The following JAZF1 variants were observed in gnomAD, a reference collection of about 807,000 sequenced individuals.
The protein encoded by JAZF1 is JAZF zinc finger 1.
In JAZF1, 8 loss-of-function variants were observed where a neutral mutation model predicts 26.4. That is an observed-to-expected ratio of 0.30 (90% CI 0.18 to 0.55). The LOEUF is 0.55. JAZF1 is among the 20% of genes least tolerant of loss of function. The pLI, the probability that JAZF1 is intolerant of heterozygous loss-of-function variation, is 0.94. For missense variants in JAZF1, 199 were observed against 322.0 expected (o/e 0.62, Z 2.92); for synonymous variants, 126 against 122.3 (o/e 1.03, Z -0.20).
intron 2 of JAZF1, among the ~76,000 whole-genome samples, chr7:27,956,571 C>T (rs1261680211): frequency 6.6e-6 from 1 of 152,172 alleles, no homozygotes; most frequent in Non-Finnish European, 1.5e-5. Flanking sequence ...CTAACCAGGC[C>T]TCTCAACACT....
At chr7:27,947,063 T>C (rs761014118) in intron 2 of JAZF1, among the ~76,000 whole-genome samples, 6 of 152,274 alleles carry the variant, frequency 3.9e-5, no homozygotes, top group Non-Finnish European at 8.8e-5. Flanking sequence ...GATCATTTTA[T>C]AGTGGAATCA....
chr7:28,009,697 C>T (rs1292430755), intron 1 of JAZF1, among the ~76,000 whole-genome samples: 1 of 152,060 alleles, frequency 6.6e-6, no homozygotes, highest in Non-Finnish European at 1.5e-5. Context: ...GTTAGCCAGG[C>T]TGGTCTCGAT....
intron 1 of JAZF1, among the ~76,000 whole-genome samples, chr7:28,045,056 A>G (rs1455269993): frequency 6.6e-6 from 1 of 151,878 alleles, no homozygotes; most frequent in Non-Finnish European, 1.5e-5. Flanking sequence ...CCTAAGGGGC[A>G]GGCAGGAAGG....
At chr7:27,992,728 T>C (rs1785928532) in intron 1 of JAZF1, among the ~76,000 whole-genome samples, 1 of 152,238 alleles carries the variant, frequency 6.6e-6, no homozygotes, top group African/African-American at 2.4e-5. Context: ...ACAATGTTTA[T>C]GTAATAAGGA....
chr7:27,999,667 A>C (rs891626823), intron 1 of JAZF1, among the ~76,000 whole-genome samples: 5 of 152,208 alleles, frequency 3.3e-5, no homozygotes, highest in African/African-American at 1.2e-4. Flanking sequence ...AAGCTCCTTA[A>C]GGAACCAGAT....
intron 3 of JAZF1, among the ~76,000 whole-genome samples, chr7:27,877,544 C>T (rs747782231): frequency 1.3e-5 from 2 of 152,134 alleles, no homozygotes; most frequent in Non-Finnish European, 2.9e-5. Flanking sequence ...AAATAACTTT[C>T]ACCTACCCTA....
intron 2 of JAZF1, among the ~76,000 whole-genome samples, chr7:27,908,246 T>C (rs888428007): frequency 1.3e-5 from 2 of 152,220 alleles, no homozygotes; most frequent in Non-Finnish European, 1.5e-5. Flanking sequence ...ATACACAGAA[T>C]AGCAGTCAGC....
chr7:27,834,672 C>A (rs966084605), intron 4 of JAZF1, among the ~76,000 whole-genome samples: 3 of 152,204 alleles, frequency 2.0e-5, no homozygotes, highest in African/African-American at 7.2e-5. Context: ...TATGCCCTGC[C>A]AGTCCCTGGC....
At chr7:27,874,468 A>G (rs1783639367) in intron 3 of JAZF1, among the ~76,000 whole-genome samples, 1 of 152,190 alleles carries the variant, frequency 6.6e-6, no homozygotes, top group Non-Finnish European at 1.5e-5. Flanking sequence ...AGGAAGTGCC[A>G]TAAATCTCTC....
intron 3 of JAZF1, among the ~76,000 whole-genome samples, chr7:27,869,098 T>C (rs1401090910): frequency 6.6e-6 from 1 of 152,240 alleles, no homozygotes; most frequent in East Asian, 1.9e-4. Context: ...ATAAAATGTC[T>C]TGTGGAACAG....
chr7:27,847,439 T>C (rs867967959), intron 3 of JAZF1, among the ~76,000 whole-genome samples: 23 of 152,146 alleles, frequency 1.5e-4, no homozygotes, highest in Non-Finnish European at 1.3e-4. Flanking sequence ...CTTATATCCA[T>C]TTGGAGTTGA....
intron 2 of JAZF1, among the ~76,000 whole-genome samples, chr7:27,963,117 G>C (rs1301528910): frequency 6.6e-6 from 1 of 152,158 alleles, no homozygotes; most frequent in Non-Finnish European, 1.5e-5. Flanking sequence ...TGGATTTTCT[G>C]TGAATGAAGG....
rs1469979340 is a variant in JAZF1 at position 28,120,672 on chromosome 7, G to A, written c.115+59791C>T. ...TTCATTTAACTCTGGAATTCATGCA[G>A]GGACTCTCAAGCTGTCTGATGAATT... On this transcript the variant is annotated intron_variant, in intron 1 of 4. Coordinates refer to ENST00000283928, the MANE Select transcript of JAZF1 (RefSeq NM_175061.4). Among the ~76,000 whole-genome samples the A allele has an allele frequency of 3.3e-5, 5 of 151,766 alleles. No individual in the cohort carries two copies. The East Asian group carries it at 9.7e-4, about 29-fold the overall frequency.
At chr7:28,001,229 G>A (rs770556858) in intron 1 of JAZF1, among the ~76,000 whole-genome samples, 7 of 151,910 alleles carry the variant, frequency 4.6e-5, no homozygotes, top group Non-Finnish European at 8.8e-5. Context: ...TGGCGTGCCT[G>A]TAATCCCAGC....
intron 1 of JAZF1, among the ~76,000 whole-genome samples, chr7:28,003,069 T>G (rs1345040679): frequency 1.3e-5 from 2 of 152,078 alleles, no homozygotes; most frequent in Admixed American, 1.3e-4. Flanking sequence ...ATCTTCCAAT[T>G]AAGCCATATA....
At chr7:28,073,633 C>CA (rs979556122) in intron 1 of JAZF1, among the ~76,000 whole-genome samples, 10 of 152,190 alleles carry the variant, frequency 6.6e-5, no homozygotes, top group Admixed American at 5.9e-4. Context: ...GGAGCCCTCA[C>CA]GTCTCATCAC....
intron 1 of JAZF1, 97 bp downstream of exon 1, chr7:28,180,366 T>A: frequency 4.0e-5 from 18 of 452,974 alleles, no homozygotes; most frequent in East Asian, 2.4e-4. Flanking sequence ...CCCTGCCGCC[T>A]CCCTCCCCGC....
intron 1 of JAZF1, among the ~76,000 whole-genome samples, chr7:28,001,772 C>T (rs1175003344): frequency 6.6e-6 from 1 of 151,856 alleles, no homozygotes; most frequent in African/African-American, 2.4e-5. Flanking sequence ...ACTGGTATGG[C>T]CCATGTTTTA....
At chr7:28,020,787 C>A in intron 1 of JAZF1, 1 of 434,348 alleles carries the variant, frequency 2.3e-6, no homozygotes, top group South Asian at 1.7e-5. Flanking sequence ...TCTCCAGCAC[C>A]CAAGGCTTCT....
Sources: allele counts gnomAD v4.1 joint callset (sites outside exome capture counted in the v4.1 genomes callset), GRCh38; gene constraint gnomAD v4.1.1; transcripts MANE v1.5; gene names NCBI Gene and HGNC (gene_info 2026-07-23, HGNC 2026-07-21).